Variants in C1QTNF3 observed in about 807,000 individuals in gnomAD.
C1QTNF3 encodes the protein C1q and TNF related 3, also known as complement C1q tumor necrosis factor-related protein 3.
C1QTNF3 carries 26 observed loss-of-function variants against 32.6 expected under a neutral mutation model. The ratio of observed to expected loss-of-function variants is 0.80; its 90% CI spans 0.58 to 1.11. C1QTNF3 has a LOEUF of 1.11. Among genes scored for constraint, C1QTNF3 ranks in the 50% least tolerant of loss-of-function variants. C1QTNF3 has a pLI of 0.00. For synonymous variants in C1QTNF3, 155 were observed against 146.0 expected (o/e 1.06, Z -0.44); for missense variants, 362 against 398.2 (o/e 0.91, Z 0.77).
the C1QTNF3 span, among the ~76,000 whole-genome samples, chr5:34,069,055 C>T: frequency 2.1e-5 from 3 of 145,784 alleles, no homozygotes; most frequent in Non-Finnish European, 4.5e-5. Flanking sequence ...TAGATTCACC[C>T]CTTGTTGCAA....
At chr5:34,071,781 A>G in the C1QTNF3 span, among the ~76,000 whole-genome samples, 1 of 152,120 alleles carries the variant, frequency 6.6e-6, no homozygotes. Context: ...TAAAAGAAGA[A>G]AGAAATATTG....
the C1QTNF3 span, among the ~76,000 whole-genome samples, chr5:34,139,395 A>C: frequency 6.6e-6 from 1 of 152,096 alleles, no homozygotes; most frequent in Admixed American, 6.5e-5. Context: ...AAACATAGCA[A>C]AATTTCATCA....
the C1QTNF3 span, among the ~76,000 whole-genome samples, chr5:34,105,166 T>C: frequency 6.6e-6 from 1 of 152,206 alleles, no homozygotes; most frequent in Non-Finnish European, 1.5e-5. Flanking sequence ...GTTTAATTCT[T>C]ATTCTTAAGG....
chr5:34,176,729 C>T, the C1QTNF3 span, among the ~76,000 whole-genome samples: 1 of 151,990 alleles, frequency 6.6e-6, no homozygotes, highest in African/African-American at 2.4e-5. Flanking sequence ...TGGAGGCACA[C>T]ACCTGTGGTC....
chr5:34,133,554 T>G, the C1QTNF3 span, among the ~76,000 whole-genome samples: 1 of 152,186 alleles, frequency 6.6e-6, no homozygotes, highest in African/African-American at 2.4e-5. Context: ...TCTAACACAT[T>G]AGACATATAG....
the C1QTNF3 span, among the ~76,000 whole-genome samples, chr5:34,068,255 C>T: frequency 2.6e-5 from 4 of 152,064 alleles, no homozygotes; most frequent in Non-Finnish European, 4.4e-5. Context: ...TTGCTTTATT[C>T]ACGGCTCTTT....
the C1QTNF3 span, among the ~76,000 whole-genome samples, chr5:34,080,785 G>T: frequency 2.0e-5 from 3 of 151,710 alleles, no homozygotes; most frequent in Non-Finnish European, 4.4e-5. Flanking sequence ...GACAGAATGT[G>T]CTGACATCAA....
the C1QTNF3 span, among the ~76,000 whole-genome samples, chr5:34,154,309 T>G: frequency 6.6e-6 from 1 of 152,162 alleles, no homozygotes; most frequent in Admixed American, 6.5e-5. Flanking sequence ...TGTATTTATT[T>G]ATTCAATCAT....
chr5:34,229,904 A>G, the C1QTNF3 span, among the ~76,000 whole-genome samples: 5 of 152,192 alleles, frequency 3.3e-5, no homozygotes, highest in East Asian at 5.8e-4. Context: ...TAGTGTTCTT[A>G]TAAGAAAAGG....
chr5:34,222,601 T>C, the C1QTNF3 span, among the ~76,000 whole-genome samples: 4 of 152,052 alleles, frequency 2.6e-5, no homozygotes, highest in African/African-American at 2.4e-5. Flanking sequence ...GAAGTATTCA[T>C]AGTGTACATA....
the C1QTNF3 span, among the ~76,000 whole-genome samples, chr5:34,224,731 C>T: frequency 6.6e-6 from 1 of 152,128 alleles, no homozygotes; most frequent in African/African-American, 2.4e-5. Flanking sequence ...CCATTCAGGA[C>T]ATAGGCATGG....
the C1QTNF3 span, among the ~76,000 whole-genome samples, chr5:34,108,172 T>C: frequency 1.3e-5 from 2 of 152,112 alleles, no homozygotes; most frequent in African/African-American, 2.4e-5. Context: ...ACATGTTTTT[T>C]TGTTATCGCT....
At chr5:34,234,688 T>G in the C1QTNF3 span, among the ~76,000 whole-genome samples, 3 of 152,190 alleles carry the variant, frequency 2.0e-5, no homozygotes, top group Admixed American at 1.3e-4. Flanking sequence ...ATACAAATAT[T>G]TATTCGATGA....
the C1QTNF3 span, among the ~76,000 whole-genome samples, chr5:34,163,596 T>C: frequency 6.6e-6 from 1 of 152,070 alleles, no homozygotes; most frequent in South Asian, 2.1e-4. Flanking sequence ...AACATATATG[T>C]TGTTGATTAT....
At chr5:34,214,911 A>G in the C1QTNF3 span, among the ~76,000 whole-genome samples, 1 of 152,236 alleles carries the variant, frequency 6.6e-6, no homozygotes, top group Non-Finnish European at 1.5e-5. Context: ...TATGTAATTT[A>G]CTAACTGTAA....
At chr5:34,049,643 G>A in the C1QTNF3 span, among the ~76,000 whole-genome samples, 1 of 152,220 alleles carries the variant, frequency 6.6e-6, no homozygotes, top group Non-Finnish European at 1.5e-5. Flanking sequence ...AAAGATCCAA[G>A]TAAATTCCTC....
chr5:34,058,695 G>T, the C1QTNF3 span, among the ~76,000 whole-genome samples: 2 of 152,126 alleles, frequency 1.3e-5, no homozygotes, highest in Admixed American at 1.3e-4. Flanking sequence ...GAGTGGGTCA[G>T]GTCACAGGCC....
the C1QTNF3 span, among the ~76,000 whole-genome samples, chr5:34,241,685 T>C: frequency 6.6e-6 from 1 of 151,754 alleles, no homozygotes; most frequent in African/African-American, 2.4e-5. Context: ...GGTATATCGC[T>C]TGGACCCAGG....
chr5:34,020,324 T>C lies in C1QTNF3; in HGVS notation c.*259A>G, dbSNP rs373360728. ...TCCAACCTGCGTCAGAGGAGAATTATCTTTTAGGTGCCAAGGAAAGAGTGA... is the reference window on the plus strand; with the variant it reads ...TCCAACCTGCGTCAGAGGAGAATTACCTTTTAGGTGCCAAGGAAAGAGTGA... On this transcript the variant is annotated 3_prime_UTR_variant, in exon 6 of 6. Coordinates refer to ENST00000382065, the MANE Select transcript of C1QTNF3 (RefSeq NM_181435.6). 1.5e-4 allele frequency: 52 copies of C among 358,166 alleles called. No individual in the cohort carries two copies. The highest frequency in any genetic ancestry group is 1.0e-3 in the African/African-American group (50 of 48,254). The allele number at this position is 358,166 out of a possible 1,614,324, so 22.2% of individuals were successfully genotyped here. A position where few individuals can be genotyped will look rare whatever the true frequency, so the allele number is the denominator to read the frequency against.
Sources: gnomAD v4.1 joint callset for allele counts (sites outside exome capture counted in the v4.1 genomes callset) on GRCh38, gnomAD v4.1.1 for gene constraint, MANE v1.5 for transcripts, NCBI Gene and HGNC (gene_info 2026-07-23, HGNC 2026-07-21) for gene names.